The following GRK5 variants were observed in gnomAD, a reference collection of about 807,000 sequenced individuals.
GRK5 encodes G protein-coupled receptor kinase 5, also known as g protein-coupled receptor kinase GRK5.
GRK5 carries 40 observed loss-of-function variants against 78.4 expected under a neutral mutation model. That is an observed-to-expected ratio of 0.51 (90% CI 0.40 to 0.66). The LOEUF (loss-of-function observed/expected upper bound fraction) is 0.66. Among genes scored for constraint, GRK5 ranks in the 30% least tolerant of loss-of-function variants. The pLI, the probability that GRK5 is intolerant of heterozygous loss-of-function variation, is 0.00. For synonymous variants in GRK5, 289 were observed against 296.8 expected (o/e 0.97, Z 0.27); for missense variants, 598 against 759.9 (o/e 0.79, Z 2.50).
intron 4 of GRK5, among the ~76,000 whole-genome samples, chr10:119,418,903 C>T (rs1456135344): frequency 6.6e-6 from 1 of 152,148 alleles, no homozygotes; most frequent in Non-Finnish European, 1.5e-5. Context: ...CCTTGAGGCC[C>T]TCACGCTTGG....
chr10:119,288,146 G>A (rs1849889795), intron 1 of GRK5, among the ~76,000 whole-genome samples: 1 of 152,252 alleles, frequency 6.6e-6, no homozygotes, highest in Admixed American at 6.5e-5. Flanking sequence ...AGACAGTGGT[G>A]TGGGCTCTGT....
At position 119,419,681 on chromosome 10, in the gene GRK5, G is replaced by A. The variant is rs115712722; in HGVS notation, c.340-3485G>A. 7.5e-3 allele frequency among the ~76,000 whole-genome samples: 1,144 copies of A among 152,332 alleles called. 16 individuals carry two copies. Among genetic ancestry groups the A allele is most frequent in the African/African-American group, 0.025 (1,022 of 41,578 alleles). Reference sequence around the variant, plus strand: ...TGGTGTGACTTCATGTACACAGTTGGGTCACCTCTAGACCCTGGACAATCC... The same window carrying A: ...TGGTGTGACTTCATGTACACAGTTGAGTCACCTCTAGACCCTGGACAATCC... On this transcript the variant is annotated intron_variant, in intron 4 of 15. Coordinates refer to ENST00000392870, the MANE Select transcript of GRK5 (RefSeq NM_005308.3).
At chr10:119,313,026 ATGGCAGTGG>A (rs1850396985) in intron 1 of GRK5, among the ~76,000 whole-genome samples, 1 of 141,328 alleles carries the variant, frequency 7.1e-6, no homozygotes. Flanking sequence ...GGTAGTGGTA[ATGGCAGTGG>A]TGATGGTGGT....
chr10:119,261,505 G>C (rs1487820406), intron 1 of GRK5, among the ~76,000 whole-genome samples: 2 of 152,006 alleles, frequency 1.3e-5, no homozygotes, highest in Non-Finnish European at 2.9e-5. Context: ...GTGGCGGCCG[G>C]GCAGAGGCTG....
In GRK5 at chr10:119,448,234, A is replaced by C. The variant is rs1265890823; in HGVS notation, c.1378A>C (p.Met460Leu). The C allele has an allele frequency of 2.4e-5, 39 of 1,596,850 alleles. No individual in the cohort carries two copies. The highest frequency in any genetic ancestry group is 3.2e-5 in the Non-Finnish European group (37 of 1,172,686). Residue 460 changes from methionine (M) to leucine (L), a missense_variant, in exon 13 of 16, where the codon ATG (methionine) becomes CTG (leucine). Physicochemically the swap from Met to Leu is conservative, Grantham distance 15 (BLOSUM62 2). Transcript: ENST00000392870. ...GAACTTCAAGCGCTTAGAAGCCGGG[A>C]TGTTGGACCCTCCCTTCGTTCCAGA... ...NMNFKRLEAG[M>L]LDPPFVPDPR... is the part of the protein sequence containing the mutation.
intron 6 of GRK5, among the ~76,000 whole-genome samples, chr10:119,427,583 AT>A (rs572475884): frequency 5.5e-4 from 84 of 152,034 alleles, no homozygotes; most frequent in African/African-American, 2.0e-3. Context: ...CATCACCACC[AT>A]CATCAGCATC....
At chr10:119,419,843 C>T (rs1852533931) in intron 4 of GRK5, among the ~76,000 whole-genome samples, 2 of 152,248 alleles carry the variant, frequency 1.3e-5, no homozygotes, top group African/African-American at 2.4e-5. Context: ...TGACCCCTCC[C>T]TTCTCTGAGC....
intron 1 of GRK5, among the ~76,000 whole-genome samples, chr10:119,242,417 C>T (rs141926579): frequency 4.6e-5 from 7 of 151,424 alleles, no homozygotes; most frequent in East Asian, 3.9e-4. Flanking sequence ...GCAGTCTTGC[C>T]GAGCACTGGT....
intron 12 of GRK5, among the ~76,000 whole-genome samples, chr10:119,447,661 C>T (rs1853182546): frequency 6.6e-6 from 1 of 152,152 alleles, no homozygotes; most frequent in Admixed American, 6.5e-5. Flanking sequence ...CATGATTAGC[C>T]CCCCATGAGT....
chr10:119,217,811 G>C lies in GRK5; in HGVS notation c.52+9842G>C, dbSNP rs906072111. Among the ~76,000 whole-genome samples the C allele has an allele frequency of 2.0e-5, 3 of 152,170 alleles. No individual in the cohort carries two copies. Among genetic ancestry groups the C allele is most frequent in the Non-Finnish European group, 4.4e-5 (3 of 68,032 alleles). ...GCTTACTGCTCCTTAGGAGGTTCTC[G>C]CCCTCAGTTACCTCTGCCTGACAGT... is the stretch of plus-strand genomic sequence containing the variant. On this transcript the variant is annotated intron_variant, in intron 1 of 15. Coordinates refer to ENST00000392870, the MANE Select transcript of GRK5 (RefSeq NM_005308.3). The surrounding 1 kb of genome is among the most constrained non-coding windows in gnomAD (Gnocchi z 4.1).
chr10:119,269,253 T>C (rs1421920582), intron 1 of GRK5, among the ~76,000 whole-genome samples: 2 of 152,166 alleles, frequency 1.3e-5, no homozygotes, highest in African/African-American at 4.8e-5. Context: ...CTCTGACAGT[T>C]AGGGTGACTT....
At chr10:119,319,210 C>A (rs1219733326) in intron 1 of GRK5, among the ~76,000 whole-genome samples, 1 of 152,166 alleles carries the variant, frequency 6.6e-6, no homozygotes, top group Non-Finnish European at 1.5e-5. Flanking sequence ...CAGCTGGCAG[C>A]CGAGGGGGCC....
intron 1 of GRK5, among the ~76,000 whole-genome samples, chr10:119,254,224 G>A (rs948676795): frequency 6.7e-6 from 1 of 148,372 alleles, no homozygotes. Context: ...CCAGTGGCTT[G>A]TTTTAAAGGA....
chr10:119,380,536 A>G (rs1446126785), intron 2 of GRK5, among the ~76,000 whole-genome samples: 1 of 152,246 alleles, frequency 6.6e-6, no homozygotes, highest in Non-Finnish European at 1.5e-5. Context: ...AGGAGATGGA[A>G]TCACAGTCCC....
At chr10:119,299,042 C>T (rs1283432753) in intron 1 of GRK5, among the ~76,000 whole-genome samples, 2 of 152,220 alleles carry the variant, frequency 1.3e-5, no homozygotes, top group Non-Finnish European at 2.9e-5. Flanking sequence ...GGACCAGGCC[C>T]TGTCTCCTCT....
chr10:119,223,077 C>T (rs886547654), intron 1 of GRK5, among the ~76,000 whole-genome samples: 2 of 152,198 alleles, frequency 1.3e-5, no homozygotes, highest in African/African-American at 4.8e-5. Flanking sequence ...GGAGGCCAGA[C>T]GTTTGAAATC....
intron 1 of GRK5, among the ~76,000 whole-genome samples, chr10:119,228,212 G>C (rs374566906): frequency 1.3e-5 from 2 of 152,068 alleles, no homozygotes; most frequent in African/African-American, 2.4e-5. Flanking sequence ...GGGCATGGTG[G>C]TGTGCGCCTG....
At chr10:119,397,881 C>T (rs1424594885) in intron 4 of GRK5, among the ~76,000 whole-genome samples, 6 of 152,260 alleles carry the variant, frequency 3.9e-5, no homozygotes, top group East Asian at 3.8e-4. Context: ...CGCACACAGT[C>T]GCCATCACCT....
At chr10:119,358,907 T>G (rs75290615) in intron 2 of GRK5, among the ~76,000 whole-genome samples, 10,865 of 152,220 alleles carry the variant, frequency 0.071, 591 homozygotes, top group East Asian at 0.24. Flanking sequence ...CGGCCTTTCC[T>G]CTGAGCTCTC....
Sources: allele counts gnomAD v4.1 joint callset (sites outside exome capture counted in the v4.1 genomes callset), GRCh38; gene constraint gnomAD v4.1.1; non-coding constraint Gnocchi (gnomAD v3.1); transcripts MANE v1.5; gene names NCBI Gene and HGNC (gene_info 2026-07-23, HGNC 2026-07-21).